The following PIEZO2 variants were observed in gnomAD, a reference collection of about 807,000 sequenced individuals.
The protein encoded by PIEZO2 is piezo-type mechanosensitive ion channel component 2.
PIEZO2 carries 172 observed loss-of-function variants against 337.3 expected under a neutral mutation model. The ratio of observed to expected loss-of-function variants is 0.51; its 90% CI spans 0.45 to 0.58. The LOEUF is 0.58. Among genes scored for constraint, PIEZO2 ranks in the 20% least tolerant of loss-of-function variants. PIEZO2 has a pLI of 0.00. For synonymous variants in PIEZO2, 1,251 were observed against 1,228.5 expected (o/e 1.02, Z -0.38); for missense variants, 3,028 against 3,391.3 (o/e 0.89, Z 2.66).
intron 2 of PIEZO2, among the ~76,000 whole-genome samples, chr18:11,004,443 G>A (rs2035651570): frequency 6.6e-6 from 1 of 152,086 alleles, no homozygotes; most frequent in Admixed American, 6.5e-5. Context: ...TCTATCTCAG[G>A]GAGTAGCCAT....
chr18:11,134,290 T>G (rs1278912342), intron 1 of PIEZO2, among the ~76,000 whole-genome samples: 1 of 152,206 alleles, frequency 6.6e-6, no homozygotes, highest in African/African-American at 2.4e-5. Context: ...CCTGGTTATT[T>G]TCTGGCATTC....
At chr18:10,932,203 C>G (rs2032132048) in intron 3 of PIEZO2, among the ~76,000 whole-genome samples, 1 of 152,146 alleles carries the variant, frequency 6.6e-6, no homozygotes, top group African/African-American at 2.4e-5. Flanking sequence ...CACATCCAGC[C>G]TGGGCAACAT....
Position 10,856,382 on chromosome 18 carries a change from C to T in PIEZO2, c.703+619G>A, listed in dbSNP as rs1047681711. ...CTATTAAAAAACAGCTAAGTTGCTG[C>T]ATCTTTGCAGTTTGCTTGAGTCTAC... On this transcript the variant is annotated intron_variant, in intron 6 of 55. Transcript: ENST00000674853. The surrounding 1 kb of genome is among the most constrained non-coding windows in gnomAD (Gnocchi z 4.7). Among the ~76,000 whole-genome samples the T allele has an allele frequency of 6.6e-6, 1 of 152,126 alleles. No individual in the cohort carries two copies. The highest frequency in any genetic ancestry group is 1.5e-5 in the Non-Finnish European group (1 of 68,014).
In PIEZO2 at chr18:11,134,195, C is replaced by T. The variant is rs74525432; in HGVS notation, c.64+14330G>A. 6.3e-3 allele frequency among the ~76,000 whole-genome samples: 964 copies of T among 152,220 alleles called. 12 individuals are homozygous for T. The highest frequency in any genetic ancestry group is 0.022 in the African/African-American group (917 of 41,534). ...TGGCCGTCCAGTCATGAGGCGGTGG[C>T]GAGGATGCAGGATGCTGTGTGACTT... On this transcript the variant is annotated intron_variant, in intron 1 of 55. Coordinates refer to ENST00000674853, the MANE Select transcript of PIEZO2 (RefSeq NM_001378183.1).
At position 10,993,507 on chromosome 18, in the gene PIEZO2, T is replaced by C. The variant is rs1253112337; in HGVS notation, c.161-13847A>G. 6.6e-6 allele frequency among the ~76,000 whole-genome samples: 1 copy of C among 151,090 alleles called. No individual in the cohort carries two copies. Among genetic ancestry groups the C allele is most frequent in the East Asian group, 1.9e-4 (1 of 5,188 alleles). The stretch of plus-strand genomic sequence containing the variant: ...CATTGGTTCTGTTTATGTGATAGAT[T>C]ACGTTTTTGTTGTTGTTGTTGTTGT... On this transcript the variant is annotated intron_variant, in intron 2 of 55. Transcript: ENST00000674853. The surrounding 1 kb of genome is among the most constrained non-coding windows in gnomAD (Gnocchi z 5.0).
In PIEZO2 at chr18:10,759,614, T is replaced by C; in HGVS notation, c.3656-31A>G. The C allele has an allele frequency of 6.5e-7, 1 of 1,535,178 alleles. No individual in the cohort carries two copies. Among genetic ancestry groups the C allele is most frequent in the Non-Finnish European group, 8.7e-7 (1 of 1,144,988 alleles). On this transcript the variant is annotated intron_variant, in intron 25 of 55. Transcript: ENST00000674853. The surrounding 1 kb of genome is among the most constrained non-coding windows in gnomAD (Gnocchi z 5.5). ...GGGAGGGAAGTGGCGAACAGCACAATCAATACTCTTCTTCACCACTCTTCT... is the reference window on the plus strand; with the variant it reads ...GGGAGGGAAGTGGCGAACAGCACAACCAATACTCTTCTTCACCACTCTTCT...
At chr18:10,843,184 A>C (rs2041247576) in intron 7 of PIEZO2, among the ~76,000 whole-genome samples, 1 of 152,204 alleles carries the variant, frequency 6.6e-6, no homozygotes, top group Admixed American at 6.5e-5. Context: ...TAAAATACAG[A>C]ACATGGATGA....
chr18:10,693,532 G>A (rs1046626307), intron 47 of PIEZO2, among the ~76,000 whole-genome samples: 57 of 126,960 alleles, frequency 4.5e-4, no homozygotes, highest in African/African-American at 1.5e-3. Context: ...ACCACATAAG[G>A]CATTTTTTTT....
At chr18:10,680,120 C>T (rs933948778) in intron 52 of PIEZO2, 79 bp downstream of exon 52, 8 of 1,270,962 alleles carry the variant, frequency 6.3e-6, no homozygotes, top group Non-Finnish European at 7.6e-6. Context: ...ATTCTTCCAT[C>T]CCACCACACC....
intron 4 of PIEZO2, among the ~76,000 whole-genome samples, chr18:10,873,033 C>T (rs2042175969): frequency 6.6e-6 from 1 of 151,996 alleles, no homozygotes; most frequent in South Asian, 2.1e-4. Context: ...GGGCAATATA[C>T]CATGTAAATA....
At chr18:10,721,947 A>G (rs1053339042) in intron 36 of PIEZO2, among the ~76,000 whole-genome samples, 4 of 152,138 alleles carry the variant, frequency 2.6e-5, no homozygotes, top group Middle Eastern at 3.2e-3. Flanking sequence ...CAAGATCAGG[A>G]GATCTAGACC....
chr18:10,735,482 G>T (rs1360077490), intron 34 of PIEZO2, among the ~76,000 whole-genome samples, 152 bp from the exon 35 acceptor site: 2 of 152,174 alleles, frequency 1.3e-5, no homozygotes, highest in Admixed American at 6.5e-5. Context: ...TGCTCTGCTT[G>T]TAAGTTAGGA....
chr18:11,114,935 C>G (rs10401067), intron 1 of PIEZO2, among the ~76,000 whole-genome samples: 40,314 of 152,100 alleles, frequency 0.27, 8,160 homozygotes, highest in African/African-American at 0.57. Context: ...ATTTGTTTGA[C>G]TTTGAACTAA....
chr18:10,703,342 A>G lies in PIEZO2; in HGVS notation c.6258+1052T>C, dbSNP rs369266683. On this transcript the variant is annotated intron_variant, in intron 42 of 55. Coordinates refer to ENST00000674853, the MANE Select transcript of PIEZO2 (RefSeq NM_001378183.1). ...TGAAAGTAAAGTTTAGGGATGATTA[A>G]CTTGGATTGGCCAATTCAAGCAATA... Among the ~76,000 whole-genome samples the G allele has an allele frequency of 7.0e-4, 107 of 152,324 alleles. 2 individuals carry two copies. Among genetic ancestry groups the G allele is most frequent in the African/African-American group, 2.4e-3 (101 of 41,570 alleles).
Position 10,689,682 on chromosome 18 carries a change from G to GATGAATAT in PIEZO2, c.7462_7469dup (p.Leu2491TyrfsTer4). 6.2e-7 allele frequency: 1 copy of GATGAATAT among 1,614,208 alleles called. No individual in the cohort carries two copies. Among genetic ancestry groups the GATGAATAT allele is most frequent in the Non-Finnish European group, 8.5e-7 (1 of 1,180,048 alleles). ...TCTCCGACTCCCGCCAACACTTCAG[G>GATGAATAT]ATGAATATGTGAGCATAGATGTCCT... On this transcript the variant is annotated frameshift_variant, in exon 49 of 56. Coordinates refer to ENST00000674853, the MANE Select transcript of PIEZO2 (RefSeq NM_001378183.1). LOFTEE classifies it high-confidence loss of function.
rs1216611948 is a variant in PIEZO2, at chr18:10,746,672, G to A, written c.4424+1799C>T. ...GGAGTAGATTGAGTGGGAAAGCAGA[G>A]CCCTCATGAATGGGATTACTATCTT... On this transcript the variant is annotated intron_variant, in intron 30 of 55. Coordinates refer to ENST00000674853, the MANE Select transcript of PIEZO2 (RefSeq NM_001378183.1). This position sits in a 1 kb window ranked among gnomAD's most constrained non-coding sequence, Gnocchi z 4.2. Among the ~76,000 whole-genome samples, 3 of 152,296 alleles carry A rather than the reference G, an allele frequency of 2.0e-5. No homozygotes were observed. Among genetic ancestry groups the A allele is most frequent in the East Asian group, 1.9e-4 (1 of 5,182 alleles).
intron 49 of PIEZO2, among the ~76,000 whole-genome samples, chr18:10,684,094 T>TCTCTC (rs1567944719): frequency 3.0e-4 from 13 of 42,828 alleles, no homozygotes; most frequent in African/African-American, 7.2e-4. Context: ...CCTTCCTTCC[T>TCTCTC]TCTTTCTCTC....
chr18:11,108,208 G>A (rs780253861), intron 1 of PIEZO2, among the ~76,000 whole-genome samples: 9 of 152,096 alleles, frequency 5.9e-5, no homozygotes, highest in African/African-American at 1.9e-4. Flanking sequence ...AAATTAAAAC[G>A]CTTGGTATTT....
intron 5 of PIEZO2, among the ~76,000 whole-genome samples, chr18:10,871,019 C>T (rs1400950029): frequency 6.6e-6 from 1 of 151,720 alleles, no homozygotes; most frequent in African/African-American, 2.4e-5. Context: ...AAAGCCTGGC[C>T]CTTACCTATG....
Sources: allele counts gnomAD v4.1 joint callset (sites outside exome capture counted in the v4.1 genomes callset), GRCh38; gene constraint gnomAD v4.1.1; non-coding constraint Gnocchi (gnomAD v3.1); transcripts MANE v1.5; gene names NCBI Gene and HGNC (gene_info 2026-07-23, HGNC 2026-07-21).